MX2: variants seen among roughly 807,000 people sequenced by gnomAD.
MX2 encodes MX dynamin like GTPase 2.
Under a neutral mutation model 74.0 loss-of-function variants are expected in MX2, and 51 were observed. The observed-to-expected ratio is 0.69, with a 90% CI of 0.55 to 0.87. MX2 has a LOEUF of 0.87. Ranked by LOEUF, MX2 falls within the 40% of genes least tolerant of loss-of-function variation. The pLI, the probability that MX2 is intolerant of heterozygous loss-of-function variation, is 0.00. For missense variants in MX2, 832 were observed against 908.7 expected (o/e 0.92, Z 1.09); for synonymous variants, 369 against 339.3 (o/e 1.09, Z -0.96).
intron 7 of MX2, among the ~76,000 whole-genome samples, chr21:41,396,673 A>G (rs2089740637): frequency 6.6e-6 from 1 of 152,162 alleles, no homozygotes; most frequent in East Asian, 1.9e-4. Flanking sequence ...GCACTCAGTA[A>G]ACACCACCCG....
chr21:41,397,332 C>T (rs2089748895), intron 7 of MX2, among the ~76,000 whole-genome samples: 1 of 152,242 alleles, frequency 6.6e-6, no homozygotes, highest in South Asian at 2.1e-4. Flanking sequence ...ATCTGGGCAA[C>T]TCACTTAATC....
Position 41,378,009 on chromosome 21 carries a change from G to A in MX2, c.442+28G>A, listed in dbSNP as rs375483809. 1.6e-4 allele frequency: 249 copies of A among 1,599,160 alleles called. 2 individuals are homozygous for A. Among genetic ancestry groups the A allele is most frequent in the Admixed American group, 6.1e-4 (36 of 58,860 alleles). On this transcript the variant is annotated intron_variant, in intron 3 of 13. Transcript: ENST00000330714. ...AAGTTCAACGGACCACCTTCCCTCC[G>A]CAGCAAGCAGCGCCACCTGTAAGCC...
rs758662765 is a variant in MX2 at position 41,376,977 on chromosome 21, A to C, written c.71A>C (p.Lys24Thr). 3 of 1,614,022 alleles carry C rather than the reference A, an allele frequency of 1.9e-6. No individual in the cohort carries two copies. The highest frequency in any genetic ancestry group is 2.7e-5 in the African/African-American group (2 of 74,926). The stretch of plus-strand genomic sequence containing the variant: ...TTTTCTTCTCGAAAATACCTGAAAA[A>C]AGAAATGAATTCCTTCCAGCAACAG... The part of the protein sequence containing the change: ...SQFSSRKYLK[K>T]EMNSFQQQPP... The change falls in exon 2 of 14, where the codon AAA becomes ACA. Residue 24 changes from lysine to threonine, a missense_variant. By Grantham distance (78) the Lys-to-Thr change is moderately conservative. Transcript: ENST00000330714.
chr21:41,390,571 G>A lies in MX2; in HGVS notation c.739G>A (p.Ala247Thr), dbSNP rs183696453. 1 of 1,614,128 alleles carries A rather than the reference G, an allele frequency of 6.2e-7. No individual in the cohort carries two copies. The highest frequency in any genetic ancestry group is 2.2e-5 in the East Asian group (1 of 44,870). Residue 247 changes from alanine (A) to threonine (T), a missense_variant, in exon 6 of 14, where the codon GCT (alanine) becomes ACT (threonine). Coordinates refer to ENST00000330714, the MANE Select transcript of MX2 (RefSeq NM_002463.2). ...QPRDIGLQIK[A>T]LIKKYIQRQQ... ...TGCGATTCTTTGGCATCAGATCAAG[G>A]CTCTCATCAAGAAGTACATCCAGAG...
chr21:41,373,433 G>C (rs889429499), intron 1 of MX2, among the ~76,000 whole-genome samples: 1 of 152,094 alleles, frequency 6.6e-6, no homozygotes, highest in Non-Finnish European at 1.5e-5. Flanking sequence ...GGGTGGGAGC[G>C]GTCATTAGGA....
chr21:41,377,885 C>T lies in MX2; in HGVS notation c.346C>T (p.Leu116=). 6.2e-7 allele frequency: 1 copy of T among 1,614,222 alleles called. No homozygotes were observed. The highest frequency in any genetic ancestry group is 8.5e-7 in the Non-Finnish European group (1 of 1,180,048). The change falls in exon 3 of 14, where the codon CTG becomes TTG. Residue 116 remains leucine, a synonymous_variant. Transcript: ENST00000330714. ...GCGGGCTCTGGGTGTGGAGCAGGAC[C>T]TGGCCCTGCCAGCCATCGCCGTCAT... is the stretch of plus-strand genomic sequence containing the variant. ...SLRALGVEQD[L]ALPAIAVIGD... is the part of the protein sequence containing the mutation.
At position 41,376,937 on chromosome 21, in the gene MX2, CGGA is replaced by C. The variant is rs748817945; in HGVS notation, c.36_38del (p.Arg13del). The C allele has an allele frequency of 8.7e-6, 14 of 1,613,906 alleles. No individual in the cohort carries two copies. The Admixed American group carries it at 1.2e-4, about 13-fold the overall frequency. ...TAAGGCCCACAAGCCTTGGCCCTAC[CGGA>C]GGAGAAGTCAATTTTCTTCTCGAAA... is the stretch of plus-strand genomic sequence containing the variant. On this transcript the variant is annotated inframe_deletion, in exon 2 of 14. Coordinates refer to ENST00000330714, the MANE Select transcript of MX2 (RefSeq NM_002463.2).
At position 41,366,728 on chromosome 21, in the gene MX2, A is replaced by G. The variant is rs1397113712; in HGVS notation, c.-72+4673A>G. 6.6e-6 allele frequency: 1 copy of G among 152,252 alleles called. No homozygotes were observed. Among genetic ancestry groups the G allele is most frequent in the Non-Finnish European group, 1.5e-5 (1 of 68,094 alleles). The allele number at this position is 152,252 out of a possible 1,614,324, so 9.4% of individuals were successfully genotyped here. A position where few individuals can be genotyped will look rare whatever the true frequency, so the allele number is the denominator to read the frequency against. ...CCCTGGCACCCTGTGTTGTGCGTGG[A>G]GTCCCTTGTTTTCCTCTATCTTATC... is the stretch of plus-strand genomic sequence containing the variant. On this transcript the variant is annotated intron_variant, in intron 1 of 13. Transcript: ENST00000330714. This position sits in a 1 kb window ranked among gnomAD's most constrained non-coding sequence, Gnocchi z 4.5.
intron 12 of MX2, among the ~76,000 whole-genome samples, chr21:41,405,075 G>A (rs538771295): frequency 1.1e-4 from 16 of 151,932 alleles, no homozygotes; most frequent in Admixed American, 3.9e-4. Flanking sequence ...TTGGGAGGCC[G>A]AGGCGGGCAG....
chr21:41,397,738 A>C (rs1417598429), intron 8 of MX2, 47 bp downstream of exon 8: 1 of 1,539,202 alleles, frequency 6.5e-7, no homozygotes, highest in African/African-American at 1.4e-5. Flanking sequence ...AGCATGCCCA[A>C]GTCACTCTCT....
chr21:41,385,741 C>T (rs748464655), intron 5 of MX2, among the ~76,000 whole-genome samples: 4 of 151,900 alleles, frequency 2.6e-5, no homozygotes, highest in Admixed American at 6.6e-5. Context: ...GCTGGGGAGC[C>T]GTCATAACAC....
At chr21:41,396,225 C>G (rs559974463) in intron 7 of MX2, among the ~76,000 whole-genome samples, 1 of 152,320 alleles carries the variant, frequency 6.6e-6, no homozygotes, top group East Asian at 1.9e-4. Flanking sequence ...GGAAAACCTG[C>G]TCGATGGAAC....
chr21:41,378,271 TTGGGAGA>T (rs2089439251), intron 3 of MX2, among the ~76,000 whole-genome samples: 1 of 116,568 alleles, frequency 8.6e-6, no homozygotes. Flanking sequence ...GGACAGGCCA[TTGGGAGA>T]CAGGCTGCTG....
At chr21:41,401,904 G>A in intron 10 of MX2, 66 bp from the exon 11 acceptor site, 1 of 1,540,038 alleles carries the variant, frequency 6.5e-7, no homozygotes, top group South Asian at 1.2e-5. Context: ...TTATAAAACT[G>A]TTGCTAGCTT....
Position 41,408,184 on chromosome 21 carries a change from C to T in MX2, c.2099C>T (p.Thr700Ile), listed in dbSNP as rs1458787464. Residue 700 changes from threonine to isoleucine, a missense_variant, in exon 14 of 14, where the codon ACT becomes ATT. Transcript: ENST00000330714. ...RILKERIYRL[T>I]QARHALCQFS... is the part of the protein sequence containing the mutation. ...CTTAAGGAGAGAATTTACCGGCTCA[C>T]TCAGGCGCGACACGCACTCTGTCAA... 2.5e-6 allele frequency: 4 copies of T among 1,614,228 alleles called. No individual in the cohort carries two copies. In the Admixed American group the frequency reaches 6.7e-5, roughly 27 times the overall value.
chr21:41,385,618 G>A (rs978442860), intron 5 of MX2, among the ~76,000 whole-genome samples: 1 of 152,086 alleles, frequency 6.6e-6, no homozygotes, highest in Non-Finnish European at 1.5e-5. Flanking sequence ...ATGTCTTTAT[G>A]AGCAGTGTGA....
At chr21:41,391,277 T>G (rs1305436316) in intron 6 of MX2, among the ~76,000 whole-genome samples, 1 of 152,164 alleles carries the variant, frequency 6.6e-6, no homozygotes, top group African/African-American at 2.4e-5. Flanking sequence ...AAAAAGGATC[T>G]ATTTGAATAT....
At chr21:41,364,179 G>A (rs1403837841) in intron 1 of MX2, 1 of 152,714 alleles carries the variant, frequency 6.5e-6, no homozygotes, top group Non-Finnish European at 1.5e-5. Context: ...TGCTGCCTAA[G>A]CTGGGTAACC....
At position 41,406,266 on chromosome 21, in the gene MX2, G is replaced by A. The variant is rs373353520; in HGVS notation, c.1651-478G>A. Among the ~76,000 whole-genome samples, 10 of 152,378 alleles carry A rather than the reference G, an allele frequency of 6.6e-5. No homozygotes were observed. The East Asian group carries it at 1.2e-3, about 18-fold the overall frequency. ...GCCTCCCAAAGTGCTGGGATTATAG[G>A]CATGAGCCACCATGCCCAGCCAACC... On this transcript the variant is annotated intron_variant, in intron 12 of 13. Transcript: ENST00000330714.
Sources: gnomAD v4.1 joint callset for allele counts (sites outside exome capture counted in the v4.1 genomes callset) on GRCh38, gnomAD v4.1.1 for gene constraint, Gnocchi (gnomAD v3.1) non-coding constraint, MANE v1.5 for transcripts, NCBI Gene and HGNC (gene_info 2026-07-23, HGNC 2026-07-21) for gene names.